Variants in OTUD7A observed in about 807,000 individuals in gnomAD.
OTUD7A encodes OTU domain-containing protein 7A.
OTUD7A carries 12 observed loss-of-function variants against 65.7 expected under a neutral mutation model. The observed-to-expected ratio is 0.18, with a 90% CI of 0.12 to 0.30. The LOEUF (loss-of-function observed/expected upper bound fraction) is 0.30. Ranked by LOEUF, OTUD7A falls within the 10% of genes least tolerant of loss-of-function variation. The pLI, the probability that OTUD7A is intolerant of heterozygous loss-of-function variation, is 1.00. For missense variants in OTUD7A, 1,148 were observed against 1,304.8 expected, an observed-to-expected ratio of 0.88 and a Z score of 1.85; for synonymous variants, 641 against 586.3, an observed-to-expected ratio of 1.09 and a Z score of -1.35.
chr15:31,617,983 G>A (rs895402822), intron 3 of OTUD7A, among the ~76,000 whole-genome samples: 1 of 149,158 alleles, frequency 6.7e-6, no homozygotes, highest in Admixed American at 6.8e-5. Context: ...CTGTGTCCAA[G>A]TGTTCTCATT....
chr15:31,668,873 T>C (rs1164568211), intron 1 of OTUD7A, among the ~76,000 whole-genome samples: 1 of 152,228 alleles, frequency 6.6e-6, no homozygotes, highest in Non-Finnish European at 1.5e-5. Context: ...CTGCTTTTCC[T>C]ATAACTGTGG....
intron 4 of OTUD7A, among the ~76,000 whole-genome samples, chr15:31,561,499 G>C (rs1228593194): frequency 6.6e-6 from 1 of 152,154 alleles, no homozygotes; most frequent in Non-Finnish European, 1.5e-5. Flanking sequence ...GTGGGCACCT[G>C]TTGTCCAGGG....
chr15:31,568,015 C>T (rs941242662), intron 4 of OTUD7A, among the ~76,000 whole-genome samples: 5 of 152,260 alleles, frequency 3.3e-5, no homozygotes, highest in East Asian at 1.9e-4. Flanking sequence ...TCACACACAA[C>T]GTCTACTAGG....
chr15:31,627,681 G>T (rs1891004749), intron 3 of OTUD7A, among the ~76,000 whole-genome samples: 1 of 152,108 alleles, frequency 6.6e-6, no homozygotes, highest in African/African-American at 2.4e-5. Context: ...CTTCCACAAT[G>T]GTTGAACTAG....
chr15:31,593,569 G>C (rs1889815154), intron 3 of OTUD7A, among the ~76,000 whole-genome samples: 4 of 152,116 alleles, frequency 2.6e-5, no homozygotes, highest in Admixed American at 2.6e-4. Flanking sequence ...TTCAGCAAAT[G>C]GGTCTGCAGT....
At chr15:31,821,825 G>A (rs1567041158) in intron 1 of OTUD7A, among the ~76,000 whole-genome samples, 1 of 152,190 alleles carries the variant, frequency 6.6e-6, no homozygotes, top group Non-Finnish European at 1.5e-5. Flanking sequence ...GTAAAGTGCT[G>A]TCTCATTCTG....
Position 31,659,056 on chromosome 15 carries a change from TAAATAAATAAATAAATAAATAAATA to T in OTUD7A, c.-99-2004_-99-1980del, listed in dbSNP as rs376622903. The stretch of plus-strand genomic sequence containing the variant: ...ATGAATGAATGAATAAATAAATAAA[TAAATAAATAAATAAATAAATAAATA>T]AAATAAAATTAAAACTTCTGTTTCA... On this transcript the variant is annotated intron_variant, in intron 1 of 12. Transcript: ENST00000307050. Among the ~76,000 whole-genome samples, 140 of 103,414 alleles carry T rather than the reference TAAATAAATAAATAAATAAATAAATA, an allele frequency of 1.4e-3. 1 individual carries two copies. The South Asian group carries it at 0.014, about 11-fold the overall frequency. The allele number at this position is 103,414 out of a possible 152,430, so 67.8% of individuals were successfully genotyped here. A position where few individuals can be genotyped will look rare whatever the true frequency, so the allele number is the denominator to read the frequency against.
intron 1 of OTUD7A, among the ~76,000 whole-genome samples, chr15:31,710,693 G>A (rs941206448): frequency 6.6e-6 from 1 of 152,258 alleles, no homozygotes; most frequent in Non-Finnish European, 1.5e-5. Context: ...TCACACCCAC[G>A]CTTCCTTTTT....
chr15:31,522,646 G>A (rs185942953), intron 8 of OTUD7A, among the ~76,000 whole-genome samples: 1 of 152,182 alleles, frequency 6.6e-6, no homozygotes, highest in East Asian at 1.9e-4. Context: ...CACATAACAT[G>A]GGCTCAGTAG....
intron 1 of OTUD7A, among the ~76,000 whole-genome samples, chr15:31,660,538 G>C (rs1233232556): frequency 6.6e-6 from 1 of 152,204 alleles, no homozygotes; most frequent in Non-Finnish European, 1.5e-5. Flanking sequence ...CATTTCCAAA[G>C]CTTGGCCACG....
Position 31,503,672 on chromosome 15 carries a change from A to G in OTUD7A, c.1021+19T>C, listed in dbSNP as rs570651950. On this transcript the variant is annotated intron_variant, in intron 9 of 12. Transcript: ENST00000307050. ...GCTTTCTGTGTCATGAATACAACAC[A>G]TCTCTTTGAGGAACTTACCTTCTCC... 3 of 1,614,072 alleles carry G rather than the reference A, an allele frequency of 1.9e-6. No homozygotes were observed. The highest frequency in any genetic ancestry group is 1.1e-5 in the South Asian group (1 of 91,074).
At chr15:31,540,033 G>A (rs1022685920) in intron 5 of OTUD7A, among the ~76,000 whole-genome samples, 1 of 152,142 alleles carries the variant, frequency 6.6e-6, no homozygotes, top group Non-Finnish European at 1.5e-5. Flanking sequence ...AAAATATTTT[G>A]GGCGAATCTA....
At position 31,753,702 on chromosome 15, in the gene OTUD7A, T is replaced by TATTATATATATATAACCTGTGA. The variant is rs1206556359; in HGVS notation, c.-99-96626_-99-96625insTCACAGGTTATATATATATAAT. ...AACCTGTGAGATATATATATATATA[T>TATTATATATATATAACCTGTGA]TATATATATATATATATATTATATA... On this transcript the variant is annotated intron_variant, in intron 1 of 12. Transcript: ENST00000307050. Among the ~76,000 whole-genome samples the TATTATATATATATAACCTGTGA allele has an allele frequency of 2.7e-4, 3 of 11,172 alleles. 1 individual carries two copies. Among genetic ancestry groups the TATTATATATATATAACCTGTGA allele is most frequent in the Non-Finnish European group, 7.5e-4 (1 of 1,328 alleles). 7.3% of individuals were successfully genotyped at this position (11,172 alleles called of 152,430 possible). A position where few individuals can be genotyped will look rare whatever the true frequency, so the allele number is the denominator to read the frequency against.
chr15:31,483,894 G>C lies in OTUD7A; in HGVS notation c.2202C>G (p.Pro734=), dbSNP rs1384737219. The change falls in exon 13 of 13, where the codon CCC becomes CCG. Residue 734 remains proline, a synonymous_variant. Transcript: ENST00000307050. ...LVLKLKERPS[P]GPAAGRAARA... is the part of the protein sequence containing the mutation. ...GCGCCGCACGCCCTGCCGCGGGCCC[G>C]GGGCTCGGCCGCTCCTTGAGCTTGA... 4.0e-6 allele frequency: 4 copies of C among 1,003,964 alleles called. No individual in the cohort carries two copies. Among genetic ancestry groups the C allele is most frequent in the African/African-American group, 3.5e-5 (2 of 56,894 alleles). 62.2% of individuals were successfully genotyped at this position (1,003,964 alleles called of 1,614,324 possible).
intron 1 of OTUD7A, among the ~76,000 whole-genome samples, chr15:31,846,166 G>A (rs970460593): frequency 6.6e-6 from 1 of 152,202 alleles, no homozygotes; most frequent in Non-Finnish European, 1.5e-5. Context: ...CTTATTTCCA[G>A]TTGTCTGATT....
At position 31,480,815 on chromosome 15, in the gene OTUD7A, T is replaced by A. The variant is rs559009259; in HGVS notation, c.*2479A>T. On this transcript the variant is annotated 3_prime_UTR_variant, in exon 13 of 13. Coordinates refer to ENST00000307050, the MANE Select transcript of OTUD7A (RefSeq NM_001382637.1). ...AAGTCATGTGGACTGAGTGGTAATG[T>A]ATCAGCCTGGAGCAGGTGTCTACAG... 5 of 152,204 alleles carry A rather than the reference T, an allele frequency of 3.3e-5. No homozygotes were observed. Among genetic ancestry groups the A allele is most frequent in the African/African-American group, 1.2e-4 (5 of 41,412 alleles). The allele number at this position is 152,204 out of a possible 1,614,324, so 9.4% of individuals were successfully genotyped here. A position where few individuals can be genotyped will look rare whatever the true frequency, so the allele number is the denominator to read the frequency against.
At chr15:31,866,281 C>T (rs1053367363) in intron 1 of OTUD7A, among the ~76,000 whole-genome samples, 2 of 152,298 alleles carry the variant, frequency 1.3e-5, no homozygotes, top group Middle Eastern at 3.4e-3. Context: ...CAGACCTTGG[C>T]CAGCTGTAGC....
At chr15:31,765,988 C>T in intron 1 of OTUD7A, 1 of 1,531,036 alleles carries the variant, frequency 6.5e-7, no homozygotes, top group Non-Finnish European at 9.0e-7. Context: ...ATTTTTTGCT[C>T]ATCAAACTCC....
chr15:31,708,970 C>A (rs1041117820), intron 1 of OTUD7A, among the ~76,000 whole-genome samples: 2 of 151,440 alleles, frequency 1.3e-5, no homozygotes, highest in African/African-American at 4.9e-5. Flanking sequence ...TGACAGCAGT[C>A]GAGGAGTAGA....
Sources: gnomAD v4.1 joint callset for allele counts (sites outside exome capture counted in the v4.1 genomes callset) on GRCh38, gnomAD v4.1.1 for gene constraint, MANE v1.5 for transcripts, NCBI Gene and HGNC (gene_info 2026-07-23, HGNC 2026-07-21) for gene names.